Variants in SPECC1 observed in about 807,000 individuals in gnomAD.
SPECC1 encodes the protein cytospin-B.
A neutral mutation model predicts 104.1 loss-of-function variants in SPECC1; 62 were observed. The observed-to-expected ratio is 0.60, with a 90% CI of 0.49 to 0.74. The LOEUF (loss-of-function observed/expected upper bound fraction) is 0.74. SPECC1 is among the 30% of genes least tolerant of loss of function. The probability of loss-of-function intolerance (pLI) is 0.00; values close to 1 mark genes in which losing one functional copy is unlikely to be tolerated. For synonymous variants in SPECC1, 513 were observed against 501.6 expected, an observed-to-expected ratio of 1.02 and a Z score of -0.30; for missense variants, 1,306 against 1,310.5, an observed-to-expected ratio of 1.00 and a Z score of 0.05.
chr17:20,219,681 A>C (rs1423018686), intron 4 of SPECC1, among the ~76,000 whole-genome samples: 1 of 152,028 alleles, frequency 6.6e-6, no homozygotes, highest in Non-Finnish European at 1.5e-5. Context: ...TTTTAACTTG[A>C]TGTGATCTCA....
chr17:20,183,820 G>C (rs1382059435), intron 3 of SPECC1, among the ~76,000 whole-genome samples: 1 of 152,012 alleles, frequency 6.6e-6, no homozygotes, highest in Admixed American at 6.6e-5. Context: ...AATTCTGGGT[G>C]GGGAACCCAG....
chr17:20,245,464 C>T (rs1427724306), intron 7 of SPECC1, among the ~76,000 whole-genome samples: 1 of 152,142 alleles, frequency 6.6e-6, no homozygotes, highest in Non-Finnish European at 1.5e-5. Context: ...ACTTAAATCA[C>T]ACCCAAAATC....
chr17:20,257,906 C>A (rs183344608), intron 11 of SPECC1, among the ~76,000 whole-genome samples: 2 of 152,256 alleles, frequency 1.3e-5, no homozygotes, highest in African/African-American at 4.8e-5. Flanking sequence ...CTAAAGGTAC[C>A]ATTACAAGCA....
chr17:20,237,151 G>T lies in SPECC1; in HGVS notation c.2351+4746G>T, dbSNP rs557781987. ...AAGATTGAGCTGTCTTTTATTTGGA[G>T]AATAAAATGAAGTTCTGAAAAAAAC... On this transcript the variant is annotated intron_variant, in intron 7 of 14. Coordinates refer to ENST00000395527, the MANE Select transcript of SPECC1 (RefSeq NM_001243439.2). The T allele has an allele frequency of 1.4e-4, 186 of 1,351,294 alleles. 3 individuals carry two copies. In the South Asian group the frequency reaches 2.4e-3, roughly 17 times the overall value. 83.7% of individuals were successfully genotyped at this position (1,351,294 alleles called of 1,614,324 possible). A position where few individuals can be genotyped will look rare whatever the true frequency, so the allele number is the denominator to read the frequency against.
At chr17:20,032,904 A>G (rs2044877789) in intron 1 of SPECC1, among the ~76,000 whole-genome samples, 1 of 151,636 alleles carries the variant, frequency 6.6e-6, no homozygotes, top group South Asian at 2.1e-4. Flanking sequence ...GTATATATGT[A>G]TATATGTGTA....
At chr17:20,171,999 G>A (rs987752640) in intron 3 of SPECC1, among the ~76,000 whole-genome samples, 3 of 152,198 alleles carry the variant, frequency 2.0e-5, no homozygotes, top group Non-Finnish European at 4.4e-5. Flanking sequence ...CAGGTGTGGA[G>A]TTTAGGGCAC....
chr17:20,071,368 T>G (rs2046545806), intron 1 of SPECC1, among the ~76,000 whole-genome samples: 1 of 134,428 alleles, frequency 7.4e-6, no homozygotes, highest in Non-Finnish European at 1.7e-5. Context: ...TACAAGTGGT[T>G]TGTGTTTGTG....
At chr17:20,210,056 T>G (rs2151378028) in intron 4 of SPECC1, among the ~76,000 whole-genome samples, 1 of 152,256 alleles carries the variant, frequency 6.6e-6, no homozygotes, top group African/African-American at 2.4e-5. Flanking sequence ...ATGACTAGTG[T>G]TCTGCTTGTG....
chr17:20,124,309 T>C (rs2049178452), intron 3 of SPECC1, among the ~76,000 whole-genome samples: 1 of 151,788 alleles, frequency 6.6e-6, no homozygotes, highest in Non-Finnish European at 1.5e-5. Flanking sequence ...GTTTGGGAAA[T>C]GTGAGAAAAT....
chr17:20,082,256 G>A (rs990879214), intron 1 of SPECC1, among the ~76,000 whole-genome samples: 11 of 152,090 alleles, frequency 7.2e-5, no homozygotes, highest in Admixed American at 6.5e-4. Flanking sequence ...CTGCTTGGTC[G>A]CTCACAACAA....
At chr17:20,132,575 G>A (rs1433207257) in intron 3 of SPECC1, among the ~76,000 whole-genome samples, 1 of 149,944 alleles carries the variant, frequency 6.7e-6, no homozygotes, top group African/African-American at 2.4e-5. Flanking sequence ...TGGTGTGAAA[G>A]GGTGAGTTTA....
Position 20,317,105 on chromosome 17 carries a change from A to C in SPECC1, c.*3040A>C, listed in dbSNP as rs992565832. On this transcript the variant is annotated 3_prime_UTR_variant, in exon 15 of 15. Coordinates refer to ENST00000395527, the MANE Select transcript of SPECC1 (RefSeq NM_001243439.2). ...GGTGTGCATGTAGAAGAGGAATGCC[A>C]TGTCCTGTCCATAGAAATACACATG... is the stretch of plus-strand genomic sequence containing the variant. 3 of 185,688 alleles carry C rather than the reference A, an allele frequency of 1.6e-5. No individual in the cohort carries two copies. The highest frequency in any genetic ancestry group is 7.1e-5 in the African/African-American group (3 of 42,170). The allele number at this position is 185,688 out of a possible 1,614,324, so 11.5% of individuals were successfully genotyped here. A position where few individuals can be genotyped will look rare whatever the true frequency, so the allele number is the denominator to read the frequency against.
At chr17:20,233,106 AG>A (rs1399581955) in intron 7 of SPECC1, among the ~76,000 whole-genome samples, 1 of 152,218 alleles carries the variant, frequency 6.6e-6, no homozygotes, top group African/African-American at 2.4e-5. Context: ...ATTTATAAAC[AG>A]CATTTTTTGC....
At chr17:20,030,638 T>C (rs1465038835) in intron 1 of SPECC1, among the ~76,000 whole-genome samples, 1 of 152,154 alleles carries the variant, frequency 6.6e-6, no homozygotes, top group Non-Finnish European at 1.5e-5. Context: ...AAGGAAAAAA[T>C]ATGCATTGTT....
chr17:20,313,939 T>C (rs1224127774), intron 14 of SPECC1, 37 bp from the exon 15 acceptor site: 1 of 1,601,386 alleles, frequency 6.2e-7, no homozygotes, highest in Non-Finnish European at 8.5e-7. Context: ...TGTGATGTCC[T>C]GCCTTGTGAT....
intron 3 of SPECC1, chr17:20,156,252 G>T (rs2032497890): frequency 2.2e-6 from 3 of 1,344,878 alleles, no homozygotes; most frequent in Non-Finnish European, 1.9e-6. Context: ...TGCGGCTGGC[G>T]GGGGTCGCGC....
intron 1 of SPECC1, among the ~76,000 whole-genome samples, chr17:20,048,828 G>C (rs2045637926): frequency 6.6e-6 from 1 of 151,946 alleles, no homozygotes; most frequent in Admixed American, 6.6e-5. Context: ...GGAGGTCGAG[G>C]CTGCAGTCAG....
intron 4 of SPECC1, among the ~76,000 whole-genome samples, chr17:20,220,566 T>C (rs1453184136): frequency 1.3e-5 from 2 of 151,282 alleles, no homozygotes; most frequent in African/African-American, 4.8e-5. Context: ...TAGTTTTTTT[T>C]TTTTTTTTTT....
intron 13 of SPECC1, chr17:20,305,621 G>C (rs943590005): frequency 7.6e-5 from 12 of 157,476 alleles, no homozygotes; most frequent in Admixed American, 6.3e-4. Flanking sequence ...TTGAAGGAAG[G>C]AACAGGTTTT....
Sources: allele counts gnomAD v4.1 joint callset (sites outside exome capture counted in the v4.1 genomes callset), GRCh38; gene constraint gnomAD v4.1.1; transcripts MANE v1.5; gene names NCBI Gene and HGNC (gene_info 2026-07-23, HGNC 2026-07-21).